The following JHY variants were observed in gnomAD, a reference collection of about 807,000 sequenced individuals.
The protein encoded by JHY is jhy protein homolog.
A neutral mutation model predicts 78.0 loss-of-function variants in JHY; 69 were observed. That is an observed-to-expected ratio of 0.88 (90% CI 0.73 to 1.08). The LOEUF (loss-of-function observed/expected upper bound fraction) is 1.08. Among genes scored for constraint, JHY ranks in the 50% least tolerant of loss-of-function variants. The probability of loss-of-function intolerance (pLI) is 0.00; values close to 1 mark genes in which losing one functional copy is unlikely to be tolerated. For synonymous variants in JHY, 368 were observed against 342.6 expected (o/e 1.07, Z -0.82); for missense variants, 944 against 927.8 (o/e 1.02, Z -0.23).
At position 122,886,150 on chromosome 11, in the gene JHY, C is replaced by A. The variant is rs371614304; in HGVS notation, c.301C>A (p.Arg101Ser). ...EASGKAAQMAREQNHHTWDQG... is the reference protein window; with the variant it reads ...EASGKAAQMASEQNHHTWDQG... ...AAGTGGAAAAGCAGCTCAGATGGCT[C>A]GCGAGCAAAACCACCATACCTGGGA... The change falls in exon 2 of 9, where the codon CGC becomes AGC. Residue 101 changes from arginine to serine, a missense_variant. Transcript: ENST00000227349. The A allele has an allele frequency of 1.2e-6, 2 of 1,613,824 alleles. No individual in the cohort carries two copies. The highest frequency in any genetic ancestry group is 2.2e-5 in the East Asian group (1 of 44,880).
chr11:122,912,615 G>T (rs145755851), intron 3 of JHY, among the ~76,000 whole-genome samples: 1 of 151,966 alleles, frequency 6.6e-6, no homozygotes, highest in African/African-American at 2.4e-5. Context: ...GATGGGGCAC[G>T]CCTGTAGTCC....
At position 122,882,863 on chromosome 11, in the gene JHY, T is replaced by A. The variant is rs1862408181; in HGVS notation, c.-199T>A. 6.6e-6 allele frequency: 1 copy of A among 152,666 alleles called. No individual in the cohort carries two copies. The highest frequency in any genetic ancestry group is 1.5e-5 in the Non-Finnish European group (1 of 68,042). 9.5% of individuals were successfully genotyped at this position (152,666 alleles called of 1,614,324 possible). On this transcript the variant is annotated 5_prime_UTR_variant, in exon 1 of 9. Transcript: ENST00000227349. ...ATGTGGCGCCGGCGTCTGTGTTGTC[T>A]GCGGTCTCCAGGGCAGCGCCGGGGC...
intron 4 of JHY, among the ~76,000 whole-genome samples, chr11:122,931,081 C>T (rs961589403): frequency 6.6e-6 from 1 of 152,092 alleles, no homozygotes; most frequent in African/African-American, 2.4e-5. Flanking sequence ...AAGGAGGGCT[C>T]CGTCCTGCTG....
intron 4 of JHY, among the ~76,000 whole-genome samples, chr11:122,928,389 A>C (rs893522335): frequency 6.6e-6 from 1 of 152,158 alleles, no homozygotes; most frequent in Non-Finnish European, 1.5e-5. Flanking sequence ...TTTTTTCTTG[A>C]AAAATGACTT....
intron 2 of JHY, among the ~76,000 whole-genome samples, chr11:122,902,051 T>C (rs1195261257): frequency 6.6e-6 from 1 of 151,302 alleles, no homozygotes; most frequent in Non-Finnish European, 1.5e-5. Context: ...TGTCATCTCC[T>C]AGGATAACAA....
rs769251676 is a variant in JHY at position 122,904,436 on chromosome 11, C to A, written c.856C>A (p.Pro286Thr). The change falls in exon 3 of 9, where the codon CCA becomes ACA. Residue 286 changes from proline to threonine, a missense_variant. Transcript: ENST00000227349. Reference sequence around the variant, plus strand: ...CAATAAAAAAAGAGGGGAATCTCATCCAGAACAGGTACGTAGTGGCTACTT... The same window carrying A: ...CAATAAAAAAAGAGGGGAATCTCATACAGAACAGGTACGTAGTGGCTACTT... ...LHNKKRGESH[P>T]EQISYPVRVT... The A allele has an allele frequency of 3.1e-6, 5 of 1,612,160 alleles. No individual in the cohort carries two copies. The South Asian group carries it at 5.5e-5, about 18-fold the overall frequency.
At chr11:122,924,297 G>A (rs1372515334) in intron 3 of JHY, among the ~76,000 whole-genome samples, 1 of 152,038 alleles carries the variant, frequency 6.6e-6, no homozygotes, top group East Asian at 1.9e-4. Flanking sequence ...TGTTGCATGT[G>A]CAGGCTCCGG....
intron 4 of JHY, among the ~76,000 whole-genome samples, chr11:122,929,566 C>T (rs1294049133): frequency 6.6e-6 from 1 of 152,080 alleles, no homozygotes; most frequent in Admixed American, 6.5e-5. Flanking sequence ...CCTCACGCAT[C>T]CCAGGACTCA....
Position 122,923,438 on chromosome 11 carries a change from G to A in JHY, c.865-1459G>A, listed in dbSNP as rs114101320. On this transcript the variant is annotated intron_variant, in intron 3 of 8. Coordinates refer to ENST00000227349, the MANE Select transcript of JHY (RefSeq NM_024806.4). ...CGAGTAAACATCTACCAGGGATGGTGTGGATGTACTGGAGAACTGGATTAT... is the reference window on the plus strand; with the variant it reads ...CGAGTAAACATCTACCAGGGATGGTATGGATGTACTGGAGAACTGGATTAT... Among the ~76,000 whole-genome samples, 285 of 152,326 alleles carry A rather than the reference G, an allele frequency of 1.9e-3. 1 individual carries two copies. The highest frequency in any genetic ancestry group is 6.4e-3 in the African/African-American group (268 of 41,582).
chr11:122,894,485 GT>G (rs767489290), intron 2 of JHY, among the ~76,000 whole-genome samples: 3 of 152,150 alleles, frequency 2.0e-5, no homozygotes, highest in Non-Finnish European at 4.4e-5. Flanking sequence ...CTTGGAAAAT[GT>G]CTGGCATTAG....
rs778561765 is a variant in JHY, at chr11:122,904,036, C to G, written c.456C>G (p.Asp152Glu). The change falls in exon 3 of 9, where the codon GAC becomes GAG. Residue 152 changes from aspartate (D) to glutamate (E), a missense_variant. Coordinates refer to ENST00000227349, the MANE Select transcript of JHY (RefSeq NM_024806.4). Reference protein sequence around the residue: ...LSVEALPESTDSSLENLPLAP... With the variant: ...LSVEALPESTESSLENLPLAP... ...TGGAAGCGTTGCCGGAGTCCACGGA[C>G]AGCTCTTTAGAAAATCTGCCTTTGG... The G allele has an allele frequency of 1.2e-6, 2 of 1,614,152 alleles. No individual in the cohort carries two copies. Among genetic ancestry groups the G allele is most frequent in the South Asian group, 2.2e-5 (2 of 91,084 alleles).
chr11:122,892,721 G>C (rs948837893), intron 2 of JHY, among the ~76,000 whole-genome samples: 14 of 152,198 alleles, frequency 9.2e-5, no homozygotes, highest in Admixed American at 8.5e-4. Context: ...AGTATTGAAT[G>C]ATGACTTCTA....
At chr11:122,887,597 A>G (rs1391073547) in intron 2 of JHY, among the ~76,000 whole-genome samples, 13 of 150,878 alleles carry the variant, frequency 8.6e-5, no homozygotes, top group Admixed American at 6.6e-4. Context: ...TTGGGATTAC[A>G]GGCGTGAGCC....
At chr11:122,918,743 T>C (rs1446127507) in intron 3 of JHY, among the ~76,000 whole-genome samples, 1 of 151,380 alleles carries the variant, frequency 6.6e-6, no homozygotes, top group East Asian at 1.9e-4. Context: ...GATATTTTCA[T>C]GCCGTCGTAT....
intron 6 of JHY, among the ~76,000 whole-genome samples, chr11:122,950,754 T>C (rs1017793166): frequency 9.9e-5 from 15 of 152,244 alleles, no homozygotes; most frequent in African/African-American, 3.4e-4. Context: ...ATTTATGTTT[T>C]ACTGAGAAAA....
chr11:122,942,322 T>C (rs1863890663), intron 5 of JHY, among the ~76,000 whole-genome samples: 1 of 152,226 alleles, frequency 6.6e-6, no homozygotes, highest in Admixed American at 6.5e-5. Context: ...TGTTCCTCTA[T>C]GTTTTGGTTT....
chr11:122,886,185 C>A lies in JHY; in HGVS notation c.336C>A (p.Ala112=), dbSNP rs1019067208. The change falls in exon 2 of 9, where the codon GCC becomes GCA. Residue 112 remains alanine, a synonymous_variant. Coordinates refer to ENST00000227349, the MANE Select transcript of JHY (RefSeq NM_024806.4). ...ACCACCATACCTGGGACCAGGGCGC[C>A]AATAACAGGTAAGGAATTGGCTTGT... ...EQNHHTWDQG[A]NNRQQPIEDK... is the part of the protein sequence containing the mutation. 6.2e-7 allele frequency: 1 copy of A among 1,609,310 alleles called. No homozygotes were observed. Among genetic ancestry groups the A allele is most frequent in the African/African-American group, 1.3e-5 (1 of 74,796 alleles).
chr11:122,934,265 C>T (rs190223039), intron 4 of JHY, among the ~76,000 whole-genome samples, 155 bp from the exon 5 acceptor site: 1 of 151,402 alleles, frequency 6.6e-6, no homozygotes, highest in Non-Finnish European at 1.5e-5. Flanking sequence ...GCAGTGAGCC[C>T]AGATCGTGCC....
chr11:122,956,456 A>G (rs1864191645), intron 6 of JHY, 40 bp from the exon 7 acceptor site: 11 of 1,590,862 alleles, frequency 6.9e-6, no homozygotes, highest in Non-Finnish European at 9.5e-6. Context: ...GGGGACACAC[A>G]AGTCCTTAAA....
Sources: allele counts gnomAD v4.1 joint callset (sites outside exome capture counted in the v4.1 genomes callset), GRCh38; gene constraint gnomAD v4.1.1; transcripts MANE v1.5; gene names NCBI Gene and HGNC (gene_info 2026-07-23, HGNC 2026-07-21).